The following EGF variants were observed in gnomAD, a reference collection of about 807,000 sequenced individuals.
The protein encoded by EGF is epidermal growth factor.
A neutral mutation model predicts 143.8 loss-of-function variants in EGF; 95 were observed. The ratio of observed to expected loss-of-function variants is 0.66; its 90% CI spans 0.56 to 0.78. EGF has a LOEUF of 0.78. EGF is among the 30% of genes least tolerant of loss of function. The probability of loss-of-function intolerance (pLI) is 0.00; values close to 1 mark genes in which losing one functional copy is unlikely to be tolerated. For missense variants in EGF, 1,320 were observed against 1,470.9 expected (o/e 0.90, Z 1.68); for synonymous variants, 510 against 510.5 (o/e 1.00, Z 0.01).
intron 5 of EGF, among the ~76,000 whole-genome samples, chr4:109,950,232 C>G (rs556964118): frequency 2.0e-5 from 3 of 152,290 alleles, no homozygotes; most frequent in South Asian, 4.1e-4. Context: ...TTTCACCTCC[C>G]TCTTCCCCAG....
chr4:109,962,092 T>C (rs1745799371), intron 8 of EGF, 107 bp downstream of exon 8: 3 of 1,532,770 alleles, frequency 2.0e-6, no homozygotes, highest in Non-Finnish European at 2.7e-6. Flanking sequence ...TTTTCCAATA[T>C]TGTATACTGA....
chr4:109,919,299 CT>C (rs2125929747), intron 1 of EGF, among the ~76,000 whole-genome samples: 1 of 121,492 alleles, frequency 8.2e-6, no homozygotes, highest in African/African-American at 3.2e-5. Context: ...CTCTCTCTCT[CT>C]CTCTCTCTCT....
chr4:109,997,866 AAAAAT>A (rs1234924014), intron 20 of EGF, among the ~76,000 whole-genome samples: 3 of 152,216 alleles, frequency 2.0e-5, no homozygotes, highest in East Asian at 1.9e-4. Flanking sequence ...CTGTCCATAA[AAAAAT>A]AAAATAAAAT....
chr4:109,932,600 G>C (rs186324211), intron 1 of EGF, among the ~76,000 whole-genome samples: 2 of 151,292 alleles, frequency 1.3e-5, no homozygotes, highest in African/African-American at 4.9e-5. Flanking sequence ...GGAAGGTCTC[G>C]ATCTCCTGAC....
At chr4:110,010,787 G>A (rs1476687812) in intron 23 of EGF, among the ~76,000 whole-genome samples, 1 of 152,184 alleles carries the variant, frequency 6.6e-6, no homozygotes, top group Non-Finnish European at 1.5e-5. Flanking sequence ...AGGGTGGGGT[G>A]TGGTGTCTCA....
chr4:109,986,248 C>T (rs1305554028), intron 16 of EGF, among the ~76,000 whole-genome samples: 1 of 152,186 alleles, frequency 6.6e-6, no homozygotes, highest in Non-Finnish European at 1.5e-5. Flanking sequence ...AATCCTGAAT[C>T]ATATTCTAAT....
chr4:110,002,292 A>T (rs1292518770), intron 21 of EGF, among the ~76,000 whole-genome samples: 1 of 152,198 alleles, frequency 6.6e-6, no homozygotes, highest in East Asian at 1.9e-4. Context: ...CAGGAGTTCA[A>T]ACCAACCTGG....
At chr4:110,011,107 T>G (rs1753937581) in intron 23 of EGF, 95 bp from the exon 24 acceptor site, 1 of 1,444,084 alleles carries the variant, frequency 6.9e-7, no homozygotes, top group African/African-American at 1.4e-5. Context: ...TGTCTCATTT[T>G]CAGGCCAGTT....
At chr4:109,955,953 A>G (rs779050641) in intron 5 of EGF, among the ~76,000 whole-genome samples, 2 of 152,202 alleles carry the variant, frequency 1.3e-5, no homozygotes, top group African/African-American at 2.4e-5. Flanking sequence ...GGTAGTAGAA[A>G]GGTATGGGAA....
chr4:109,978,970 G>A (rs771331479), intron 13 of EGF, among the ~76,000 whole-genome samples: 4 of 152,166 alleles, frequency 2.6e-5, no homozygotes, highest in Non-Finnish European at 5.9e-5. Flanking sequence ...TGGTCTGTGG[G>A]AATGTGAGTA....
chr4:110,002,838 C>T (rs529632465), intron 21 of EGF, among the ~76,000 whole-genome samples: 4 of 152,244 alleles, frequency 2.6e-5, no homozygotes, highest in South Asian at 4.1e-4. Context: ...AGGTAGCCCC[C>T]AGTGTCTGTT....
chr4:109,918,272 A>G (rs1231590368), intron 1 of EGF, among the ~76,000 whole-genome samples: 1 of 115,990 alleles, frequency 8.6e-6, no homozygotes, highest in Non-Finnish European at 1.8e-5. Context: ...TTTTTTTTTT[A>G]AATTTCAAGT....
intron 13 of EGF, 144 bp from the exon 14 acceptor site, chr4:109,979,828 G>A: frequency 1.1e-6 from 1 of 886,578 alleles, no homozygotes. Flanking sequence ...AGGTGTGTGA[G>A]TCGGTGGCTC....
At chr4:109,939,364 T>G (rs1312821514) in intron 1 of EGF, among the ~76,000 whole-genome samples, 1 of 152,200 alleles carries the variant, frequency 6.6e-6, no homozygotes, top group Non-Finnish European at 1.5e-5. Flanking sequence ...GGAGGGAACA[T>G]CCGGGCCTGC....
chr4:109,916,370 T>G (rs1397256028), intron 1 of EGF, among the ~76,000 whole-genome samples: 1 of 152,176 alleles, frequency 6.6e-6, no homozygotes, highest in East Asian at 1.9e-4. Context: ...AGCTTAGTGG[T>G]AAAGAAGCAT....
At chr4:109,926,590 C>G (rs1738710230) in intron 1 of EGF, among the ~76,000 whole-genome samples, 1 of 152,100 alleles carries the variant, frequency 6.6e-6, no homozygotes, top group Non-Finnish European at 1.5e-5. Context: ...ATCTCCTGAC[C>G]TCGTGGTCCG....
Position 109,976,003 on chromosome 4 carries a change from T to C in EGF, c.1830-9T>C. On this transcript the variant is annotated splice_polypyrimidine_tract_variant and intron_variant, in intron 12 of 23. Coordinates refer to ENST00000265171, the MANE Select transcript of EGF (RefSeq NM_001963.6). ...AGATATTATTTGTTGTGTGCTTTCTTGATTAAAGGAGATTATTCTGGACTG... is the reference window on the plus strand; with the variant it reads ...AGATATTATTTGTTGTGTGCTTTCTCGATTAAAGGAGATTATTCTGGACTG... 6.2e-7 allele frequency: 1 copy of C among 1,612,136 alleles called. No homozygotes were observed. Among genetic ancestry groups the C allele is most frequent in the African/African-American group, 1.3e-5 (1 of 75,010 alleles).
intron 1 of EGF, among the ~76,000 whole-genome samples, chr4:109,924,827 C>T (rs1738366902): frequency 6.6e-6 from 1 of 151,784 alleles, no homozygotes. Context: ...ATAGATCTGA[C>T]CAAAAAAAGT....
At chr4:109,971,234 C>T (rs1560713991) in intron 11 of EGF, among the ~76,000 whole-genome samples, 1 of 152,102 alleles carries the variant, frequency 6.6e-6, no homozygotes, top group Non-Finnish European at 1.5e-5. Context: ...CGCCCCAAGC[C>T]AGTGTGGATT....
Sources: allele counts gnomAD v4.1 joint callset (sites outside exome capture counted in the v4.1 genomes callset), GRCh38; gene constraint gnomAD v4.1.1; transcripts MANE v1.5; gene names NCBI Gene and HGNC (gene_info 2026-07-23, HGNC 2026-07-21).